Variants in KATNAL2 observed in about 807,000 individuals in gnomAD.
KATNAL2 encodes the protein katanin catalytic subunit A1 like 2.
KATNAL2 carries 52 observed loss-of-function variants against 76.3 expected under a neutral mutation model. The ratio of observed to expected loss-of-function variants is 0.68; its 90% CI spans 0.55 to 0.86. KATNAL2 has a LOEUF of 0.86. KATNAL2 is among the 40% of genes least tolerant of loss of function. KATNAL2 has a pLI of 0.00. For synonymous variants in KATNAL2, 243 were observed against 244.2 expected (o/e 1.00, Z 0.05); for missense variants, 660 against 668.9 (o/e 0.99, Z 0.15).
rs1395041705 is a variant in KATNAL2 at position 47,100,848 on chromosome 18, G to A, written c.1478-18G>A. On this transcript the variant is annotated intron_variant, in intron 17 of 17. Transcript: ENST00000683218. ...AGAGGTCGATTGTTGTGCTGTTACT[G>A]TTGTGTTCTTATCCTAGAAAGCAGC... 6.2e-7 allele frequency: 1 copy of A among 1,614,098 alleles called. No homozygotes were observed. Among genetic ancestry groups the A allele is most frequent in the Non-Finnish European group, 8.5e-7 (1 of 1,179,974 alleles).
At chr18:47,043,050 A>AC (rs528439792) in intron 3 of KATNAL2, among the ~76,000 whole-genome samples, 2 of 152,004 alleles carry the variant, frequency 1.3e-5, no homozygotes, top group African/African-American at 4.8e-5. Context: ...ATACGGTGAA[A>AC]CCCCGTCTCT....
chr18:46,961,802 T>C (rs2059971921), intron 3 of KATNAL2, among the ~76,000 whole-genome samples: 1 of 152,160 alleles, frequency 6.6e-6, no homozygotes, highest in African/African-American at 2.4e-5. Flanking sequence ...GCATTTTTGA[T>C]TTGGGCTTTC....
intron 3 of KATNAL2, among the ~76,000 whole-genome samples, chr18:47,039,638 G>T (rs1472268368): frequency 6.6e-6 from 1 of 152,164 alleles, no homozygotes; most frequent in Non-Finnish European, 1.5e-5. Context: ...CCAGTGCAGT[G>T]GATCCAGTAC....
chr18:46,938,039 T>G (rs2059142734), intron 1 of KATNAL2, among the ~76,000 whole-genome samples: 1 of 151,926 alleles, frequency 6.6e-6, no homozygotes, highest in Non-Finnish European at 1.5e-5. Context: ...GAGGCTGCAG[T>G]GAGCCATGTT....
At chr18:47,044,579 C>G (rs969755298) in intron 3 of KATNAL2, among the ~76,000 whole-genome samples, 10 of 149,650 alleles carry the variant, frequency 6.7e-5, no homozygotes, top group Non-Finnish European at 1.2e-4. Context: ...GCGAACATGG[C>G]AAAACCCTGT....
chr18:47,051,352 G>A (rs1177518170), intron 4 of KATNAL2, among the ~76,000 whole-genome samples: 1 of 151,786 alleles, frequency 6.6e-6, no homozygotes, highest in African/African-American at 2.4e-5. Flanking sequence ...GATTGTTTGA[G>A]CCCAGGAGTT....
chr18:46,934,623 C>T (rs2059034650), intron 1 of KATNAL2, among the ~76,000 whole-genome samples: 1 of 152,148 alleles, frequency 6.6e-6, no homozygotes, highest in South Asian at 2.1e-4. Context: ...ATGCTAGTTT[C>T]TTTTGCTGTG....
intron 15 of KATNAL2, among the ~76,000 whole-genome samples, chr18:47,090,307 A>C (rs980680101): frequency 6.6e-6 from 1 of 152,038 alleles, no homozygotes; most frequent in African/African-American, 2.4e-5. Flanking sequence ...GGGTTTCACC[A>C]TGTTAGCTAG....
At chr18:46,919,942 GGAATAGAC>G (rs1409682019) in intron 1 of KATNAL2, 1 of 593,260 alleles carries the variant, frequency 1.7e-6, no homozygotes, top group Admixed American at 2.5e-5. Flanking sequence ...GAGTTTTCGG[GGAATAGAC>G]GAATAGAGTA....
intron 13 of KATNAL2, among the ~76,000 whole-genome samples, chr18:47,071,247 G>A (rs926964366): frequency 1.3e-5 from 2 of 152,044 alleles, no homozygotes; most frequent in Non-Finnish European, 2.9e-5. Flanking sequence ...CAATCCTCCC[G>A]CCTCGGGCTC....
At chr18:46,938,714 A>G (rs2059160718) in intron 1 of KATNAL2, among the ~76,000 whole-genome samples, 1 of 152,074 alleles carries the variant, frequency 6.6e-6, no homozygotes, top group Non-Finnish European at 1.5e-5. Flanking sequence ...CTCCTATTCA[A>G]AATCTTTCAA....
chr18:47,075,223 C>T, intron 13 of KATNAL2, 54 bp from the exon 14 acceptor site: 1 of 1,405,756 alleles, frequency 7.1e-7, no homozygotes. Context: ...CTGGGAGCAT[C>T]TGAGGACTTT....
intron 3 of KATNAL2, among the ~76,000 whole-genome samples, chr18:47,036,719 G>GT (rs1175120495): frequency 3.3e-5 from 5 of 152,266 alleles, no homozygotes; most frequent in East Asian, 3.9e-4. Context: ...AATATCTATG[G>GT]TTTTTTCTCT....
intron 15 of KATNAL2, among the ~76,000 whole-genome samples, chr18:47,081,270 C>CT (rs1267590683): frequency 6.6e-6 from 1 of 152,086 alleles, no homozygotes; most frequent in Non-Finnish European, 1.5e-5. Flanking sequence ...GCGGCACTGT[C>CT]TAATAGAAAT....
chr18:46,939,082 C>G (rs2059171720), intron 1 of KATNAL2, among the ~76,000 whole-genome samples: 1 of 152,032 alleles, frequency 6.6e-6, no homozygotes, highest in Admixed American at 6.6e-5. Flanking sequence ...TGGTTCATGC[C>G]TATAATCCCA....
intron 15 of KATNAL2, among the ~76,000 whole-genome samples, chr18:47,096,060 A>T (rs2063220329): frequency 6.6e-6 from 1 of 152,210 alleles, no homozygotes; most frequent in East Asian, 1.9e-4. Context: ...GAAATAGGTC[A>T]TTGTTACTGT....
intron 3 of KATNAL2, among the ~76,000 whole-genome samples, chr18:46,955,358 A>G (rs1428291110): frequency 6.6e-6 from 1 of 150,668 alleles, no homozygotes; most frequent in Non-Finnish European, 1.5e-5. Context: ...CTGGGATTAC[A>G]GGCATGCGCC....
In KATNAL2 at chr18:46,946,835, A is replaced by T; in HGVS notation, c.-19-19A>T. ...CGACCGGTCAGCCCAGTAACTGACTACTTTTCTCCCTTCTCTAGGGTCCTA... is the reference window on the plus strand; with the variant it reads ...CGACCGGTCAGCCCAGTAACTGACTTCTTTTCTCCCTTCTCTAGGGTCCTA... On this transcript the variant is annotated intron_variant, in intron 2 of 17. Transcript: ENST00000683218. The T allele has an allele frequency of 6.5e-7, 1 of 1,531,060 alleles. No individual in the cohort carries two copies. The highest frequency in any genetic ancestry group is 8.7e-7 in the Non-Finnish European group (1 of 1,143,232). 94.8% of individuals were successfully genotyped at this position (1,531,060 alleles called of 1,614,324 possible).
chr18:46,957,986 G>A (rs1208663986), intron 3 of KATNAL2, among the ~76,000 whole-genome samples: 17 of 152,094 alleles, frequency 1.1e-4, no homozygotes, highest in Admixed American at 1.0e-3. Flanking sequence ...GTGAGCCACC[G>A]CACCTGGCCA....
Sources: gnomAD v4.1 joint callset for allele counts (sites outside exome capture counted in the v4.1 genomes callset) on GRCh38, gnomAD v4.1.1 for gene constraint, MANE v1.5 for transcripts, NCBI Gene and HGNC (gene_info 2026-07-23, HGNC 2026-07-21) for gene names.